PDE1C: variants seen among roughly 807,000 people sequenced by gnomAD.
PDE1C encodes the protein phosphodiesterase 1C.
Under a neutral mutation model 93.1 loss-of-function variants are expected in PDE1C, and 62 were observed. The ratio of observed to expected loss-of-function variants is 0.67; its 90% CI spans 0.54 to 0.82. The LOEUF is 0.82. Ranked by LOEUF, PDE1C falls within the 40% of genes least tolerant of loss-of-function variation. PDE1C has a pLI of 0.00. For missense variants in PDE1C, 742 were observed against 884.6 expected (o/e 0.84, Z 2.04); for synonymous variants, 325 against 310.1 (o/e 1.05, Z -0.50).
intron 1 of PDE1C, among the ~76,000 whole-genome samples, chr7:32,348,178 C>G (rs1783890010): frequency 6.6e-6 from 1 of 151,818 alleles, no homozygotes; most frequent in East Asian, 1.9e-4. Context: ...GGTTTTAAGA[C>G]CAGTTTTGTC....
chr7:32,177,571 C>T (rs1451272635), intron 2 of PDE1C, among the ~76,000 whole-genome samples: 1 of 152,140 alleles, frequency 6.6e-6, no homozygotes, highest in Non-Finnish European at 1.5e-5. Context: ...CCTTATAGAG[C>T]TTTTGTGTTC....
chr7:32,246,751 C>T (rs930809913), intron 1 of PDE1C, among the ~76,000 whole-genome samples: 3 of 152,156 alleles, frequency 2.0e-5, no homozygotes, highest in Admixed American at 6.5e-5. Flanking sequence ...GCTATGTTTC[C>T]TCGGATATAA....
intron 2 of PDE1C, among the ~76,000 whole-genome samples, chr7:31,918,864 C>G (rs973278689): frequency 6.6e-6 from 1 of 152,150 alleles, no homozygotes; most frequent in Non-Finnish European, 1.5e-5. Flanking sequence ...CTATGTGATA[C>G]CACTCCACTC....
chr7:31,754,244 G>A (rs985890900), intron 17 of PDE1C, among the ~76,000 whole-genome samples: 6 of 152,186 alleles, frequency 3.9e-5, no homozygotes, highest in African/African-American at 1.4e-4. Context: ...ACCAATTGCT[G>A]GCAAGGATGT....
chr7:31,913,346 T>C (rs1801488409), intron 2 of PDE1C, among the ~76,000 whole-genome samples: 1 of 152,060 alleles, frequency 6.6e-6, no homozygotes, highest in Non-Finnish European at 1.5e-5. Flanking sequence ...ATCACCAAGA[T>C]ACGAGTTAAT....
the PDE1C span, chr7:31,695,390 C>A: frequency 7.5e-7 from 1 of 1,329,912 alleles, no homozygotes; most frequent in Non-Finnish European, 1.0e-6. Flanking sequence ...TCATCAAGTG[C>A]AATTAGGAAC....
In PDE1C at chr7:31,823,122, C is replaced by T. The variant is rs762760725; in HGVS notation, c.1533G>A (p.Thr511=). ...TCTCCCGATTGATGTGCACCACTTC[C>T]GTCCAAGTAGCTTTAAAGCTCTTAT... ...VDYKSFKATW[T]EVVHINRERW... The change falls in exon 14 of 18, where the codon ACG becomes ACA. Residue 511 remains threonine (T), a synonymous_variant. Transcript: ENST00000396191. The T allele has an allele frequency of 2.8e-5, 45 of 1,613,056 alleles. No individual in the cohort carries two copies. In the East Asian group the frequency reaches 2.9e-4, roughly 10 times the overall value.
intron 2 of PDE1C, among the ~76,000 whole-genome samples, chr7:31,923,569 T>C (rs1802917082): frequency 6.6e-6 from 1 of 152,184 alleles, no homozygotes; most frequent in African/African-American, 2.4e-5. Flanking sequence ...TAAAATGACA[T>C]TTTGCTTAGG....
chr7:31,631,068 A>G, the PDE1C span, among the ~76,000 whole-genome samples: 1 of 152,232 alleles, frequency 6.6e-6, no homozygotes, highest in Admixed American at 6.5e-5. Context: ...AGAAATTAAA[A>G]GTTTTTAAAA....
At chr7:32,207,065 C>T (rs983671857) in intron 2 of PDE1C, among the ~76,000 whole-genome samples, 15 of 152,146 alleles carry the variant, frequency 9.9e-5, no homozygotes, top group Admixed American at 9.8e-4. Flanking sequence ...GATTGGAAGC[C>T]ACTGCTTGAG....
chr7:32,057,598 C>G (rs751068483), intron 1 of PDE1C, among the ~76,000 whole-genome samples: 1 of 152,210 alleles, frequency 6.6e-6, no homozygotes, highest in African/African-American at 2.4e-5. Flanking sequence ...GTGGAAGCTT[C>G]TAGACCCTGA....
intron 16 of PDE1C, among the ~76,000 whole-genome samples, chr7:31,775,936 C>T (rs1795799250): frequency 6.6e-6 from 1 of 152,168 alleles, no homozygotes; most frequent in Non-Finnish European, 1.5e-5. Flanking sequence ...TGACAGTACG[C>T]AGTTCCTCTG....
the PDE1C span, among the ~76,000 whole-genome samples, chr7:31,745,390 C>T: frequency 5.3e-5 from 8 of 152,052 alleles, no homozygotes; most frequent in South Asian, 2.1e-4. Flanking sequence ...TTGATCACTA[C>T]GGAGGATATA....
chr7:32,068,098 G>A (rs898804520), intron 1 of PDE1C, among the ~76,000 whole-genome samples: 3 of 152,342 alleles, frequency 2.0e-5, no homozygotes, highest in Middle Eastern at 3.4e-3. Context: ...CTGACCATCT[G>A]TGGTCACCTA....
the PDE1C span, among the ~76,000 whole-genome samples, chr7:31,699,069 G>A: frequency 6.6e-6 from 1 of 152,210 alleles, no homozygotes; most frequent in African/African-American, 2.4e-5. Flanking sequence ...TTCTAGGTGG[G>A]AGAGATAATT....
intron 2 of PDE1C, among the ~76,000 whole-genome samples, chr7:31,914,020 C>T (rs1363297124): frequency 6.6e-6 from 1 of 152,108 alleles, no homozygotes; most frequent in African/African-American, 2.4e-5. Context: ...ACATGCCATA[C>T]AGTTAATCTG....
At chr7:32,193,479 T>G (rs1291649008) in intron 2 of PDE1C, among the ~76,000 whole-genome samples, 8 of 152,228 alleles carry the variant, frequency 5.3e-5, no homozygotes, top group Non-Finnish European at 1.5e-5. Context: ...GAATGATACT[T>G]GCATCCATAG....
chr7:31,658,184 G>A, the PDE1C span: 1 of 1,190,978 alleles, frequency 8.4e-7, no homozygotes, highest in Non-Finnish European at 1.1e-6. Flanking sequence ...ATTTGTGTAA[G>A]GATATTCGTT....
intron 7 of PDE1C, chr7:31,850,993 A>G (rs187375940): frequency 2.5e-6 from 1 of 406,832 alleles, no homozygotes; most frequent in Admixed American, 3.6e-5. Flanking sequence ...AATCAAAGAG[A>G]ATGAACATGA....
Sources: allele counts gnomAD v4.1 joint callset (sites outside exome capture counted in the v4.1 genomes callset), GRCh38; gene constraint gnomAD v4.1.1; transcripts MANE v1.5; gene names NCBI Gene and HGNC (gene_info 2026-07-23, HGNC 2026-07-21).